MORN4: variants seen among roughly 807,000 people sequenced by gnomAD.
MORN4 encodes the protein MORN repeat-containing protein 4.
MORN4 carries 8 observed loss-of-function variants against 16.4 expected under a neutral mutation model. The ratio of observed to expected loss-of-function variants is 0.49; its 90% CI spans 0.29 to 0.88. MORN4 has a LOEUF of 0.88. MORN4 is among the 40% of genes least tolerant of loss of function. MORN4 has a pLI of 0.09. For missense variants in MORN4, 159 were observed against 182.9 expected (o/e 0.87, Z 0.75); for synonymous variants, 53 against 68.9 (o/e 0.77, Z 1.14).
intron 1 of MORN4, among the ~76,000 whole-genome samples, chr10:97,624,318 T>C (rs2041330005): frequency 6.6e-6 from 1 of 152,232 alleles, no homozygotes; most frequent in Non-Finnish European, 1.5e-5. Context: ...CCCTCTCTAA[T>C]AATCAATTGC....
chr10:97,632,078 C>G (rs1473426183), intron 1 of MORN4, among the ~76,000 whole-genome samples: 1 of 152,044 alleles, frequency 6.6e-6, no homozygotes, highest in African/African-American at 2.4e-5. Context: ...GTACAATAGT[C>G]TTGTCAAATT....
At chr10:97,632,157 T>C (rs985726126) in intron 1 of MORN4, among the ~76,000 whole-genome samples, 2 of 149,924 alleles carry the variant, frequency 1.3e-5, no homozygotes, top group Non-Finnish European at 3.0e-5. Context: ...AAGGCTTTGA[T>C]GAACAAAGAT....
At chr10:97,629,151 G>T (rs1564768518) in intron 1 of MORN4, among the ~76,000 whole-genome samples, 1 of 152,080 alleles carries the variant, frequency 6.6e-6, no homozygotes, top group Admixed American at 6.5e-5. Context: ...ATTTTGGGAG[G>T]CCGAGGCGGA....
At chr10:97,617,652 G>C (rs2041247911) in intron 2 of MORN4, among the ~76,000 whole-genome samples, 1 of 152,118 alleles carries the variant, frequency 6.6e-6, no homozygotes, top group African/African-American at 2.4e-5. Context: ...ACGAGGTCAA[G>C]AGATCGAGAC....
upstream of MORN4, chr10:97,633,627 A>G: frequency 7.8e-6 from 10 of 1,286,306 alleles, no homozygotes; most frequent in African/African-American, 1.5e-5. This position sits in a 1 kb window ranked among gnomAD's most constrained non-coding sequence, Gnocchi z 4.5. Flanking sequence ...CGGGCTGACT[A>G]TGTGAAAGAG....
At chr10:97,631,708 A>G (rs1279370260) in intron 1 of MORN4, among the ~76,000 whole-genome samples, 1 of 151,962 alleles carries the variant, frequency 6.6e-6, no homozygotes, top group Non-Finnish European at 1.5e-5. Flanking sequence ...CTGAAGCAAG[A>G]GGATCGCTTG....
In MORN4 at chr10:97,616,687, C is replaced by A. The variant is rs772232776; in HGVS notation, c.283G>T (p.Asp95Tyr). ...CTGGGCTGCAACTTACCAAAACCATCTACTCTGCCATTTTTAAATTCCCCC... is the reference window on the plus strand; with the variant it reads ...CTGGGCTGCAACTTACCAAAACCATATACTCTGCCATTTTTAAATTCCCCC... The part of the protein sequence containing the change: ...FEGEFKNGRV[D>Y]GFGLLTFPDG... Residue 95 changes from aspartate to tyrosine, a missense_variant, in exon 4 of 5, where the codon GAT becomes TAT. Coordinates refer to ENST00000307450, the MANE Select transcript of MORN4 (RefSeq NM_178832.4). 1 of 1,613,400 alleles carries A rather than the reference C, an allele frequency of 6.2e-7. No homozygotes were observed.
upstream of MORN4, chr10:97,633,694 C>G (rs955541910): frequency 8.3e-5 from 99 of 1,198,752 alleles, no homozygotes; most frequent in Admixed American, 3.5e-4. This position sits in a 1 kb window ranked among gnomAD's most constrained non-coding sequence, Gnocchi z 4.5. Context: ...CTGGCCTACC[C>G]AGAGGCCGTC....
At chr10:97,616,580 AT>A in intron 4 of MORN4, 97 bp downstream of exon 4, 1 of 1,259,388 alleles carries the variant, frequency 7.9e-7, no homozygotes, top group Middle Eastern at 1.9e-4. Flanking sequence ...GACGGCCACT[AT>A]GGATTGCTGG....
At chr10:97,632,180 G>A (rs1336241897) in intron 1 of MORN4, among the ~76,000 whole-genome samples, 1 of 148,392 alleles carries the variant, frequency 6.7e-6, no homozygotes, top group African/African-American at 2.5e-5. Context: ...GCCTTGTTAG[G>A]AACCTAGAAC....
intron 1 of MORN4, among the ~76,000 whole-genome samples, chr10:97,623,929 A>T (rs185420502): frequency 2.0e-4 from 31 of 151,806 alleles, no homozygotes; most frequent in Non-Finnish European, 3.4e-4. Context: ...GTAGAGATGG[A>T]GTTTCACCGT....
intron 1 of MORN4, among the ~76,000 whole-genome samples, chr10:97,623,164 T>C (rs539679387): frequency 9.2e-5 from 14 of 152,194 alleles, no homozygotes; most frequent in Admixed American, 9.2e-4. Context: ...AGTCAGAGCC[T>C]GGGAACCTGC....
rs1446546522 is a variant in MORN4, at chr10:97,616,667, C to T, written c.292+11G>A. On this transcript the variant is annotated intron_variant, in intron 4 of 4. Coordinates refer to ENST00000307450, the MANE Select transcript of MORN4 (RefSeq NM_178832.4). ...CACCTAAGTCAGCCATCCTGCTGGG[C>T]TGCAACTTACCAAAACCATCTACTC... 2.5e-6 allele frequency: 4 copies of T among 1,600,258 alleles called. No homozygotes were observed. Among genetic ancestry groups the T allele is most frequent in the East Asian group, 4.5e-5 (2 of 44,824 alleles).
chr10:97,629,672 G>A (rs1254109464), intron 1 of MORN4, among the ~76,000 whole-genome samples: 2 of 152,112 alleles, frequency 1.3e-5, no homozygotes, highest in East Asian at 1.9e-4. Context: ...CCATATCAGG[G>A]AGCAGAGAGA....
intron 1 of MORN4, among the ~76,000 whole-genome samples, chr10:97,630,113 G>C (rs1432628167): frequency 6.6e-6 from 1 of 152,116 alleles, no homozygotes; most frequent in Admixed American, 6.6e-5. Context: ...ATTTTTAGTG[G>C]AGACGGGGTT....
At chr10:97,629,771 T>C (rs2041379020) in intron 1 of MORN4, among the ~76,000 whole-genome samples, 1 of 151,956 alleles carries the variant, frequency 6.6e-6, no homozygotes, top group Non-Finnish European at 1.5e-5. Flanking sequence ...GTTTGTTTTG[T>C]TTTTTGAGAC....
chr10:97,623,802 C>A (rs1254168134), intron 1 of MORN4, among the ~76,000 whole-genome samples: 1 of 150,554 alleles, frequency 6.6e-6, no homozygotes, highest in Non-Finnish European at 1.5e-5. Flanking sequence ...GTGGCATGAT[C>A]TCGGCTGACT....
intron 1 of MORN4, among the ~76,000 whole-genome samples, chr10:97,629,713 C>T (rs758957724): frequency 2.0e-5 from 3 of 152,048 alleles, no homozygotes; most frequent in African/African-American, 4.8e-5. Context: ...TCCAAATTCC[C>T]TCACCCACAG....
At chr10:97,628,042 A>G (rs1403795219) in intron 1 of MORN4, among the ~76,000 whole-genome samples, 1 of 152,226 alleles carries the variant, frequency 6.6e-6, no homozygotes, top group East Asian at 1.9e-4. Context: ...ACAGACGGGC[A>G]TTTTGATCAG....
Sources: gnomAD v4.1 joint callset for allele counts (sites outside exome capture counted in the v4.1 genomes callset) on GRCh38, gnomAD v4.1.1 for gene constraint, Gnocchi (gnomAD v3.1) non-coding constraint, MANE v1.5 for transcripts, NCBI Gene and HGNC (gene_info 2026-07-23, HGNC 2026-07-21) for gene names.